The following GCDH variants were observed in gnomAD, a reference collection of about 807,000 sequenced individuals.
GCDH encodes glutaryl-CoA dehydrogenase, mitochondrial.
A neutral mutation model predicts 52.8 loss-of-function variants in GCDH; 31 were observed. The ratio of observed to expected loss-of-function variants is 0.59; its 90% CI spans 0.44 to 0.79. GCDH has a LOEUF of 0.79. Among genes scored for constraint, GCDH ranks in the 30% least tolerant of loss-of-function variants. The pLI is 0.00. For missense variants in GCDH, 509 were observed against 595.0 expected (o/e 0.86, Z 1.50); for synonymous variants, 242 against 250.0 (o/e 0.97, Z 0.30).
chr19:12,892,538 C>T, intron 5 of GCDH: 1 of 348,614 alleles, frequency 2.9e-6, no homozygotes, highest in South Asian at 2.7e-5. Context: ...GTGATCCGCC[C>T]ACCTCAGCCT....
intron 5 of GCDH, among the ~76,000 whole-genome samples, chr19:12,893,177 G>A (rs532682490): frequency 5.0e-4 from 76 of 152,246 alleles, no homozygotes; most frequent in African/African-American, 1.8e-3. Context: ...GTGAGCCACC[G>A]TGCCTGGCCC....
intron 11 of GCDH, 122 bp from the exon 12 acceptor site, chr19:12,899,346 A>T: frequency 6.2e-7 from 1 of 1,614,044 alleles, no homozygotes; most frequent in Non-Finnish European, 8.5e-7. Flanking sequence ...AGCTGTCAGC[A>T]TTCACCATCT....
chr19:12,898,577 C>CG (rs1431522181), intron 11 of GCDH, among the ~76,000 whole-genome samples: 3 of 150,986 alleles, frequency 2.0e-5, no homozygotes, highest in Middle Eastern at 3.4e-3. Flanking sequence ...GGACAAGCAG[C>CG]GGGCGCCATG....
chr19:12,899,719 A>G lies in GCDH; in HGVS notation c.*178A>G. ...CTGAAGTCGTTCAGATGTGTTCCTT[A>G]AAAAGAAGATGGAATTCTCTGTAGA... On this transcript the variant is annotated 3_prime_UTR_variant, in exon 12 of 12. Coordinates refer to ENST00000222214, the MANE Select transcript of GCDH (RefSeq NM_000159.4). The G allele has an allele frequency of 1.2e-6, 2 of 1,612,204 alleles. No individual in the cohort carries two copies. Among genetic ancestry groups the G allele is most frequent in the Non-Finnish European group, 1.7e-6 (2 of 1,179,206 alleles).
Position 12,899,644 on chromosome 19 carries a change from A to T in GCDH, c.*103A>T. The T allele has an allele frequency of 6.2e-7, 1 of 1,612,554 alleles. No homozygotes were observed. Among genetic ancestry groups the T allele is most frequent in the Non-Finnish European group, 8.5e-7 (1 of 1,179,126 alleles). On this transcript the variant is annotated 3_prime_UTR_variant, in exon 12 of 12. Coordinates refer to ENST00000222214, the MANE Select transcript of GCDH (RefSeq NM_000159.4). ...CTGAGCTTAGAAAGGGAGGTGGCGG[A>T]TGGAGTGGGAAGTGAGAGACACTGA...
At chr19:12,892,797 A>C (rs1222248211) in intron 5 of GCDH, among the ~76,000 whole-genome samples, 1 of 145,386 alleles carries the variant, frequency 6.9e-6, no homozygotes, top group African/African-American at 2.6e-5. Flanking sequence ...TGGCCAGGCT[A>C]GTCTCGAACT....
Position 12,892,166 on chromosome 19 carries a change from C to T in GCDH, c.322C>T (p.Pro108Ser), listed in dbSNP as rs757097208. Reference protein sequence around the residue: ...SEMGELGVLGPTIKGYGCAGV... With the variant: ...SEMGELGVLGSTIKGYGCAGV... The stretch of plus-strand genomic sequence containing the variant: ...GATGGGGGAGTTGGGTGTGCTGGGC[C>T]CCACCATCAAAGGTAGGAACAAGTA... Residue 108 changes from proline (P) to serine (S), a missense_variant, in exon 5 of 12, where the codon CCC becomes TCC. Pro to Ser is a moderately conservative substitution (Grantham distance 74). Transcript: ENST00000222214. 6.2e-7 allele frequency: 1 copy of T among 1,613,954 alleles called. No homozygotes were observed.
chr19:12,896,368 G>T lies in GCDH; in HGVS notation c.799G>T (p.Asp267Tyr). ...CTCAGCCACAGGCATGATCATCATGGACGGTGTGGAGGTGCCAGAGGAGAA... is the reference window on the plus strand; with the variant it reads ...CTCAGCCACAGGCATGATCATCATGTACGGTGTGGAGGTGCCAGAGGAGAA... ...RASATGMIIM[D>Y]GVEVPEENVL... Residue 267 changes from aspartate (D) to tyrosine (Y), a missense_variant, in exon 8 of 12, where the codon GAC becomes TAC. Transcript: ENST00000222214. This position sits in a 1 kb window ranked among gnomAD's most constrained non-coding sequence, Gnocchi z 5.5. 6.2e-7 allele frequency: 1 copy of T among 1,614,144 alleles called. No individual in the cohort carries two copies. The highest frequency in any genetic ancestry group is 2.2e-5 in the East Asian group (1 of 44,880).
intron 5 of GCDH, 143 bp downstream of exon 5, chr19:12,892,321 T>G: frequency 1.3e-6 from 1 of 796,854 alleles, no homozygotes; most frequent in African/African-American, 1.8e-5. Context: ...CAACAGAGTC[T>G]GGCTCTGTTG....
In GCDH at chr19:12,896,805, G is replaced by C. The variant is rs1189388040; in HGVS notation, c.853-105G>C. 3 of 787,934 alleles carry C rather than the reference G, an allele frequency of 3.8e-6. No homozygotes were observed. The highest frequency in any genetic ancestry group is 6.6e-6 in the Non-Finnish European group (3 of 455,040). The allele number at this position is 787,934 out of a possible 1,614,324, so 48.8% of individuals were successfully genotyped here. Reference sequence around the variant, plus strand: ...TGTGAACCACAACCTGAGTCCCCCTGCGTGGGGTGGCTGGGGAGGAGGCTT... The same window carrying C: ...TGTGAACCACAACCTGAGTCCCCCTCCGTGGGGTGGCTGGGGAGGAGGCTT... On this transcript the variant is annotated intron_variant, in intron 8 of 11. Coordinates refer to ENST00000222214, the MANE Select transcript of GCDH (RefSeq NM_000159.4). This position sits in a 1 kb window ranked among gnomAD's most constrained non-coding sequence, Gnocchi z 5.5.
rs762070222 is a variant in GCDH at position 12,891,380 on chromosome 19, T to G, written c.76T>G (p.Ser26Ala). ...GCACGTCCTTCGCACGTGGGTCTCG[T>G]CGGCGGCGCAGACCGGTCAGTGTGG... is the stretch of plus-strand genomic sequence containing the variant. The part of the protein sequence containing the change: ...GLHVLRTWVS[S>A]AAQTEKGGRT... Residue 26 changes from serine (S) to alanine (A), a missense_variant, in exon 2 of 12, where the codon TCG becomes GCG. Physicochemically the swap from Ser to Ala is moderately conservative, Grantham distance 99. Transcript: ENST00000222214. 3 of 1,613,938 alleles carry G rather than the reference T, an allele frequency of 1.9e-6. No homozygotes were observed. Among genetic ancestry groups the G allele is most frequent in the African/African-American group, 1.3e-5 (1 of 75,020 alleles).
chr19:12,898,298 G>C (rs536890826), intron 11 of GCDH: 3 of 204,410 alleles, frequency 1.5e-5, no homozygotes, highest in African/African-American at 6.9e-5. Flanking sequence ...GTAACTGATG[G>C]TGATTTACAT....
rs751454066 is a variant in GCDH, at chr19:12,891,388, G to A, written c.84G>A (p.Ala28=). Residue 28 remains alanine, a synonymous_variant, in exon 2 of 12, where the codon GCG becomes GCA. Coordinates refer to ENST00000222214, the MANE Select transcript of GCDH (RefSeq NM_000159.4). ...HVLRTWVSSA[A]QTEKGGRTQS... Reference sequence around the variant, plus strand: ...TTCGCACGTGGGTCTCGTCGGCGGCGCAGACCGGTCAGTGTGGGGTCGGGA... The same window carrying A: ...TTCGCACGTGGGTCTCGTCGGCGGCACAGACCGGTCAGTGTGGGGTCGGGA... The A allele has an allele frequency of 1.2e-6, 2 of 1,614,078 alleles. No homozygotes were observed. The highest frequency in any genetic ancestry group is 1.7e-5 in the Admixed American group (1 of 60,020).
Position 12,899,849 on chromosome 19 carries a change from C to T in GCDH, c.*308C>T. 2 of 1,577,290 alleles carry T rather than the reference C, an allele frequency of 1.3e-6. No individual in the cohort carries two copies. The highest frequency in any genetic ancestry group is 1.7e-6 in the Non-Finnish European group (2 of 1,148,850). On this transcript the variant is annotated 3_prime_UTR_variant, in exon 12 of 12. Coordinates refer to ENST00000222214, the MANE Select transcript of GCDH (RefSeq NM_000159.4). ...GACATGGAAGCAACTCCGTCTGCTG[C>T]AGCTGACCCCCTCACACTGAGTTCA...
chr19:12,893,458 T>C (rs1970601823), intron 5 of GCDH, 25 bp from the exon 6 acceptor site: 1 of 1,610,214 alleles, frequency 6.2e-7, no homozygotes, highest in East Asian at 2.2e-5. Flanking sequence ...TCTATTGTCC[T>C]GCTTTCCCCT....
Position 12,892,178 on chromosome 19 carries a change from G to T in GCDH, c.334G>T (p.Gly112Ter), listed in dbSNP as rs758137643. 7.4e-6 allele frequency: 12 copies of T among 1,613,416 alleles called. No individual in the cohort carries two copies. Among genetic ancestry groups the T allele is most frequent in the Non-Finnish European group, 1.0e-5 (12 of 1,179,376 alleles). The change falls in exon 5 of 12, where the codon GGA (glycine) becomes TGA (stop). Residue 112 changes from glycine (G) to a stop codon, truncating the protein, a stop_gained and splice_region_variant. Coordinates refer to ENST00000222214, the MANE Select transcript of GCDH (RefSeq NM_000159.4). LOFTEE classifies it high-confidence loss of function. ...ELGVLGPTIKGYGCAGVSSVA... is the reference protein window; with the variant it reads ...ELGVLGPTIK ...GGGTGTGCTGGGCCCCACCATCAAAGGTAGGAACAAGTATCTCTCCACACA... is the reference window on the plus strand; with the variant it reads ...GGGTGTGCTGGGCCCCACCATCAAATGTAGGAACAAGTATCTCTCCACACA...
intron 2 of GCDH, 38 bp from the exon 3 acceptor site, chr19:12,891,449 G>C (rs1970553980): frequency 1.9e-6 from 3 of 1,614,210 alleles, no homozygotes; most frequent in Middle Eastern, 1.7e-4. Context: ...GGGGGTTTAG[G>C]GACTTTCCGG....
At chr19:12,897,578 C>G in intron 10 of GCDH, 125 bp from the exon 11 acceptor site, 2 of 1,434,094 alleles carry the variant, frequency 1.4e-6, no homozygotes, top group Non-Finnish European at 2.0e-6. Context: ...GGGCTGAGGA[C>G]AGCCCCACTG....
intron 9 of GCDH, 140 bp from the exon 10 acceptor site, chr19:12,897,163 C>G (rs1227703900): frequency 8.0e-7 from 1 of 1,256,280 alleles, no homozygotes; most frequent in Non-Finnish European, 1.1e-6. Context: ...CAGCTGTGGG[C>G]TGAGTCAACG....
Sources: gnomAD v4.1 joint callset for allele counts (sites outside exome capture counted in the v4.1 genomes callset) on GRCh38, gnomAD v4.1.1 for gene constraint, Gnocchi (gnomAD v3.1) non-coding constraint, MANE v1.5 for transcripts, NCBI Gene and HGNC (gene_info 2026-07-23, HGNC 2026-07-21) for gene names.